Variants in ZNF595 observed in about 807,000 individuals in gnomAD.
ZNF595 encodes the protein zinc finger protein 595.
Under a neutral mutation model 19.4 loss-of-function variants are expected in ZNF595, and 9 were observed. That is an observed-to-expected ratio of 0.46 (90% confidence interval 0.28 to 0.81). The LOEUF (loss-of-function observed/expected upper bound fraction) is 0.81. Ranked by LOEUF, ZNF595 falls within the 30% of genes least tolerant of loss-of-function variation. The pLI is 0.11. For missense variants in ZNF595, 729 were observed against 736.0 expected, an observed-to-expected ratio of 0.99 and a Z score of 0.11; for synonymous variants, 255 against 255.9, an observed-to-expected ratio of 1.00 and a Z score of 0.03.
rs1714232515 is a variant in ZNF595, at chr4:87,005, A to G, written c.1501A>G (p.Ile501Val). 9 of 1,614,084 alleles carry G rather than the reference A, an allele frequency of 5.6e-6. No homozygotes were observed. The East Asian group carries it at 6.7e-5, about 12-fold the overall frequency. The change falls in exon 4 of 4, where the codon ATT becomes GTT. Residue 501 changes from isoleucine (I) to valine (V), a missense_variant. By Grantham distance (29) the Ile-to-Val change is conservative. Coordinates refer to ENST00000610261, the MANE Select transcript of ZNF595 (RefSeq NM_182524.4). ...CGCAAGCCTGAATGAACATAAGAATATTCATACTGGAGAGAAACCCTACAA... is the reference window on the plus strand; with the variant it reads ...CGCAAGCCTGAATGAACATAAGAATGTTCATACTGGAGAGAAACCCTACAA... ...WSASLNEHKN[I>V]HTGEKPYKCK...
In ZNF595 at chr4:82,371, G is replaced by GTTTTTTTTTTTTTTTTTTTTTTTTTTTTT. The variant is rs1560092266; in HGVS notation, c.227-3360_227-3359insTTTTTTTTTTTTTTTTTTTTTTTTTTTTT. Among the ~76,000 whole-genome samples the GTTTTTTTTTTTTTTTTTTTTTTTTTTTTT allele has an allele frequency of 4.1e-5, 4 of 97,714 alleles. 2 individuals carry two copies. The highest frequency in any genetic ancestry group is 8.0e-4 in the South Asian group (2 of 2,490). The allele number at this position is 97,714 out of a possible 152,430, so 64.1% of individuals were successfully genotyped here. A position where few individuals can be genotyped will look rare whatever the true frequency, so the allele number is the denominator to read the frequency against. On this transcript the variant is annotated intron_variant, in intron 3 of 3. Transcript: ENST00000610261. ...ACAAAAGTCCATTTTTTTGGTTTGT[G>GTTTTTTTTTTTTTTTTTTTTTTTTTTTTT]GTTTTTTTTTTTTTTTTTTTTTTTT...
In ZNF595 at chr4:86,707, T is replaced by G. The variant is rs1714201990; in HGVS notation, c.1203T>G (p.Cys401Trp). The G allele has an allele frequency of 1.9e-6, 3 of 1,613,806 alleles. No homozygotes were observed. Among genetic ancestry groups the G allele is most frequent in the Non-Finnish European group, 2.5e-6 (3 of 1,179,894 alleles). The part of the protein sequence containing the change: ...TGEKPYTCEE[C>W]GKAFYRSSHL... ...AGAAACCCTACACATGTGAAGAATGTGGCAAAGCTTTTTATAGGTCCTCAC... is the reference window on the plus strand; with the variant it reads ...AGAAACCCTACACATGTGAAGAATGGGGCAAAGCTTTTTATAGGTCCTCAC... The change falls in exon 4 of 4, where the codon TGT becomes TGG. Residue 401 changes from cysteine (C) to tryptophan (W), a missense_variant. Physicochemically the swap from Cys to Trp is radical, Grantham distance 215. This residue lies in a region of ZNF595 where 729 missense variants were observed against 675.3 expected (regional missense o/e 1.08). Coordinates refer to ENST00000610261, the MANE Select transcript of ZNF595 (RefSeq NM_182524.4).
At chr4:75,589 G>A (rs1553798584) in intron 3 of ZNF595, among the ~76,000 whole-genome samples, 3 of 152,104 alleles carry the variant, frequency 2.0e-5, no homozygotes, top group African/African-American at 7.2e-5. Context: ...TGTTTTCATT[G>A]GATAACTAAA....
Position 88,091 on chromosome 4 carries a change from GTATAAT to G in ZNF595, c.*648_*653del, listed in dbSNP as rs1444195373. The G allele has an allele frequency of 6.6e-6, 1 of 151,928 alleles. No homozygotes were observed. The highest frequency in any genetic ancestry group is 1.5e-5 in the Non-Finnish European group (1 of 68,006). 9.4% of individuals were successfully genotyped at this position (151,928 alleles called of 1,614,324 possible). A position where few individuals can be genotyped will look rare whatever the true frequency, so the allele number is the denominator to read the frequency against. ...TTTTATGATTATAATAAGTATATGA[GTATAAT>G]TATAATTCACACATTTCTAAGTCAT... On this transcript the variant is annotated 3_prime_UTR_variant, in exon 4 of 4. Transcript: ENST00000610261.
In ZNF595 at chr4:82,371, GGTTT is replaced by G. The variant is rs1309049270; in HGVS notation, c.227-3359_227-3356del. 3.7e-3 allele frequency among the ~76,000 whole-genome samples: 365 copies of G among 97,690 alleles called. 15 individuals are homozygous for G. Among genetic ancestry groups the G allele is most frequent in the Non-Finnish European group, 5.4e-3 (257 of 47,920 alleles). 64.1% of individuals were successfully genotyped at this position (97,690 alleles called of 152,430 possible). On this transcript the variant is annotated intron_variant, in intron 3 of 3. Transcript: ENST00000610261. The stretch of plus-strand genomic sequence containing the variant: ...ACAAAAGTCCATTTTTTTGGTTTGT[GGTTT>G]TTTTTTTTTTTTTTTTTTTTTTTTT...
At chr4:74,963 AT>A in intron 3 of ZNF595, among the ~76,000 whole-genome samples, 1 of 152,154 alleles carries the variant, frequency 6.6e-6, no homozygotes, top group African/African-American at 2.4e-5. Context: ...ATATATTTTT[AT>A]TTGTTATATT....
intron 3 of ZNF595, among the ~76,000 whole-genome samples, chr4:73,661 C>A (rs1044648867): frequency 6.6e-6 from 1 of 152,170 alleles, no homozygotes; most frequent in Non-Finnish European, 1.5e-5. Flanking sequence ...CCCGCACTTT[C>A]TTTTGTCCTA....
intron 3 of ZNF595, among the ~76,000 whole-genome samples, chr4:78,780 G>T (rs1713780363): frequency 6.6e-6 from 1 of 152,098 alleles, no homozygotes; most frequent in Non-Finnish European, 1.5e-5. Context: ...GTGCAGTGGT[G>T]CGATCTCAGC....
At chr4:74,574 C>T (rs782551885) in intron 3 of ZNF595, among the ~76,000 whole-genome samples, 39 of 151,994 alleles carry the variant, frequency 2.6e-4, no homozygotes, top group Non-Finnish European at 4.9e-4. Context: ...CCCAGGTGGT[C>T]GGGGAACAAC....
chr4:84,227 A>T (rs1714042156), intron 3 of ZNF595, among the ~76,000 whole-genome samples: 1 of 150,276 alleles, frequency 6.7e-6, no homozygotes, highest in Non-Finnish European at 1.5e-5. Flanking sequence ...GAGAATAATT[A>T]AAATGTTTTC....
intron 3 of ZNF595, among the ~76,000 whole-genome samples, chr4:76,268 A>G (rs1553798703): frequency 1.3e-5 from 2 of 152,162 alleles, no homozygotes; most frequent in African/African-American, 2.4e-5. Context: ...CGGTCCTGCT[A>G]TATTGAGCAG....
intron 3 of ZNF595, among the ~76,000 whole-genome samples, chr4:81,213 A>G (rs1581385390): frequency 1.3e-5 from 2 of 152,212 alleles, no homozygotes; most frequent in South Asian, 2.1e-4. Flanking sequence ...TTTTCATTTT[A>G]CATTATAATT....
In ZNF595 at chr4:86,369, T is replaced by C. The variant is rs1218542597; in HGVS notation, c.865T>C (p.Cys289Arg). Residue 289 changes from cysteine to arginine, a missense_variant, in exon 4 of 4, where the codon TGT (cysteine) becomes CGT (arginine). Physicochemically the swap from Cys to Arg is radical, Grantham distance 180. Around this residue, in one of 2 missense-constraint regions of ZNF595, gnomAD observed 729 missense variants for 675.3 expected, o/e 1.08. Transcript: ENST00000610261. ...AGAGAAACCCTACAAATGTAAAGAA[T>C]GTGGCAAAGCCTTTAGATGGTCCAC... ...TGEKPYKCKE[C>R]GKAFRWSTSL... 2 of 1,613,728 alleles carry C rather than the reference T, an allele frequency of 1.2e-6. No individual in the cohort carries two copies. The highest frequency in any genetic ancestry group is 1.7e-6 in the Non-Finnish European group (2 of 1,179,890).
intron 3 of ZNF595, among the ~76,000 whole-genome samples, chr4:76,764 A>G (rs1553798793): frequency 6.6e-6 from 1 of 152,136 alleles, no homozygotes; most frequent in Non-Finnish European, 1.5e-5. Flanking sequence ...TGCACTTTAA[A>G]TATATGATCT....
intron 3 of ZNF595, among the ~76,000 whole-genome samples, chr4:75,824 T>A (rs182802101): frequency 1.4e-4 from 21 of 151,788 alleles, no homozygotes; most frequent in Admixed American, 3.9e-4. Context: ...TTTTTTTTTT[T>A]TTAGAATTTC....
intron 3 of ZNF595, among the ~76,000 whole-genome samples, chr4:82,873 C>G (rs1227050486): frequency 2.0e-5 from 3 of 152,210 alleles, no homozygotes; most frequent in African/African-American, 4.8e-5. Flanking sequence ...CTCTACAATT[C>G]TATTAGACAT....
intron 3 of ZNF595, among the ~76,000 whole-genome samples, chr4:80,721 G>C (rs1159281242): frequency 6.6e-6 from 1 of 152,140 alleles, no homozygotes; most frequent in Non-Finnish European, 1.5e-5. Context: ...ATTTCACAAG[G>C]TAATGTCATC....
At position 85,810 on chromosome 4, in the gene ZNF595, A is replaced by G; in HGVS notation, c.306A>G (p.Arg102=). ...CATTCCACAAACTTATACTGAAAAG[A>G]TACGAGAAATGTGGACATGAGAATT... ...EDSFHKLILK[R]YEKCGHENLQ... The change falls in exon 4 of 4, where the codon AGA becomes AGG. Residue 102 remains arginine (R), a synonymous_variant. Coordinates refer to ENST00000610261, the MANE Select transcript of ZNF595 (RefSeq NM_182524.4). The G allele has an allele frequency of 6.2e-7, 1 of 1,613,978 alleles. No homozygotes were observed. Among genetic ancestry groups the G allele is most frequent in the Non-Finnish European group, 8.5e-7 (1 of 1,179,912 alleles).
chr4:83,619 CAAAAAAA>C (rs71164492), intron 3 of ZNF595, among the ~76,000 whole-genome samples: 30 of 38,598 alleles, frequency 7.8e-4, no homozygotes, highest in South Asian at 2.7e-3. Flanking sequence ...GACTCCGTCT[CAAAAAAA>C]AAAAAAAAAA....
Sources: gnomAD v4.1 joint callset for allele counts (sites outside exome capture counted in the v4.1 genomes callset) on GRCh38, gnomAD v4.1.1 for gene constraint, gnomAD v4.1.1 regional missense constraint, MANE v1.5 for transcripts, NCBI Gene and HGNC (gene_info 2026-07-23, HGNC 2026-07-21) for gene names.